Variants in COL5A2 observed in about 807,000 individuals in gnomAD.
COL5A2 encodes the protein collagen type V alpha 2 chain.
COL5A2 carries 23 observed loss-of-function variants against 208.2 expected under a neutral mutation model. That is an observed-to-expected ratio of 0.11 (90% CI 0.08 to 0.16). COL5A2 has a LOEUF of 0.16. COL5A2 is among the 10% of genes least tolerant of loss of function. The pLI is 1.00. For synonymous variants in COL5A2, 625 were observed against 628.5 expected, an observed-to-expected ratio of 0.99 and a Z score of 0.08; for missense variants, 1,590 against 1,956.4, an observed-to-expected ratio of 0.81 and a Z score of 3.53.
At chr2:189,059,036 A>G in intron 31 of COL5A2, 143 bp from the exon 32 acceptor site, 2 of 663,932 alleles carry the variant, frequency 3.0e-6, no homozygotes, top group Non-Finnish European at 2.7e-6. Flanking sequence ...AAAGAAAAGT[A>G]CGTATATTTT....
intron 1 of COL5A2, among the ~76,000 whole-genome samples, chr2:189,191,289 A>G (rs1291699445): frequency 1.3e-5 from 2 of 152,088 alleles, no homozygotes; most frequent in Non-Finnish European, 2.9e-5. Context: ...TCTAAGAGGA[A>G]AGCATGTTGA....
chr2:189,052,591 C>T (rs934168817), intron 40 of COL5A2, among the ~76,000 whole-genome samples, 158 bp downstream of exon 40: 2 of 152,176 alleles, frequency 1.3e-5, no homozygotes, highest in Non-Finnish European at 2.9e-5. Context: ...TAACCCAAAT[C>T]TCCATCTGAG....
In COL5A2 at chr2:189,191,660, A is replaced by G. The variant is rs192616357; in HGVS notation, c.-42+33488T>C. On this transcript the variant is annotated intron_variant, in intron 1 of 10. Transcript: ENST00000649966. ...TAAGACTCCATCTCAAAAAATAAATAAATAAATAAAGCTAACTGCAATGAA... is the reference window on the plus strand; with the variant it reads ...TAAGACTCCATCTCAAAAAATAAATGAATAAATAAAGCTAACTGCAATGAA... Among the ~76,000 whole-genome samples, 11 of 152,258 alleles carry G rather than the reference A, an allele frequency of 7.2e-5. No individual in the cohort carries two copies. The East Asian group carries it at 1.9e-3, about 27-fold the overall frequency.
At chr2:189,280,673 C>T in the COL5A2 span, among the ~76,000 whole-genome samples, 778 of 152,172 alleles carry the variant, frequency 5.1e-3, 8 homozygotes, top group African/African-American at 0.018. Flanking sequence ...AAGGTATATA[C>T]ATTTTACATT....
the COL5A2 span, among the ~76,000 whole-genome samples, chr2:189,297,234 G>A: frequency 6.6e-6 from 1 of 152,254 alleles, no homozygotes; most frequent in Non-Finnish European, 1.5e-5. Flanking sequence ...ACCACTACTG[G>A]AAACCAGACT....
chr2:189,077,714 A>G (rs948429400), intron 16 of COL5A2, among the ~76,000 whole-genome samples: 3 of 152,178 alleles, frequency 2.0e-5, no homozygotes, highest in Non-Finnish European at 1.5e-5. Flanking sequence ...ACACTTTCCA[A>G]ATCAGGGCCC....
chr2:189,376,429 C>T, the COL5A2 span, among the ~76,000 whole-genome samples: 3 of 152,044 alleles, frequency 2.0e-5, no homozygotes, highest in Non-Finnish European at 4.4e-5. Context: ...TAAAAATATA[C>T]TTGTAGGATA....
chr2:189,314,892 A>G, the COL5A2 span, among the ~76,000 whole-genome samples: 5 of 152,296 alleles, frequency 3.3e-5, no homozygotes, highest in South Asian at 1.0e-3. Flanking sequence ...AAGAAACTGA[A>G]TCCCTGAACA....
intron 1 of COL5A2, among the ~76,000 whole-genome samples, chr2:189,117,798 G>A (rs546103918): frequency 1.7e-4 from 26 of 151,088 alleles, no homozygotes; most frequent in African/African-American, 6.1e-4. Flanking sequence ...AATTTATTAT[G>A]TTTATTGTTT....
chr2:189,041,764 G>T (rs567552118), intron 49 of COL5A2, 71 bp from the exon 50 acceptor site: 3 of 977,946 alleles, frequency 3.1e-6, no homozygotes, highest in South Asian at 2.6e-5. Flanking sequence ...TCTAATCAAA[G>T]AACTATTTTA....
At chr2:189,246,250 T>C in the COL5A2 span, among the ~76,000 whole-genome samples, 1 of 152,152 alleles carries the variant, frequency 6.6e-6, no homozygotes, top group African/African-American at 2.4e-5. Context: ...ACTCATAAGT[T>C]CTAGTTGGAT....
At chr2:189,188,937 A>C (rs73034860) in intron 1 of COL5A2, among the ~76,000 whole-genome samples, 2 of 152,186 alleles carry the variant, frequency 1.3e-5, no homozygotes, top group African/African-American at 2.4e-5. Flanking sequence ...TACTTTAAAG[A>C]CTTCTGTGTA....
the COL5A2 span, among the ~76,000 whole-genome samples, chr2:189,301,496 GT>G: frequency 1.3e-5 from 2 of 152,186 alleles, no homozygotes; most frequent in Non-Finnish European, 2.9e-5. Context: ...CATTTTTGCT[GT>G]TTTTTCCTCA....
At chr2:189,145,236 T>C (rs942778539) in intron 1 of COL5A2, among the ~76,000 whole-genome samples, 1 of 152,150 alleles carries the variant, frequency 6.6e-6, no homozygotes, top group Non-Finnish European at 1.5e-5. Flanking sequence ...TATACTCCAA[T>C]AGAAATTTTA....
rs116685336 is a variant in COL5A2, at chr2:189,070,559, C to A, written c.1158+1481G>T. 7.2e-3 allele frequency among the ~76,000 whole-genome samples: 1,095 copies of A among 152,240 alleles called. 11 individuals are homozygous for A. Among genetic ancestry groups the A allele is most frequent in the African/African-American group, 0.025 (1,021 of 41,536 alleles). ...AGTTTTCAGTAGCCAACAACCAGTACCACAAACACCCAGGAGGAGAGAGAA... is the reference window on the plus strand; with the variant it reads ...AGTTTTCAGTAGCCAACAACCAGTAACACAAACACCCAGGAGGAGAGAGAA... On this transcript the variant is annotated intron_variant, in intron 18 of 53. Coordinates refer to ENST00000374866, the MANE Select transcript of COL5A2 (RefSeq NM_000393.5).
At chr2:189,321,337 G>A in the COL5A2 span, among the ~76,000 whole-genome samples, 1 of 152,282 alleles carries the variant, frequency 6.6e-6, no homozygotes, top group Non-Finnish European at 1.5e-5. Context: ...AAATGTAAAT[G>A]GGCTAAATGT....
chr2:189,340,139 C>A, the COL5A2 span, among the ~76,000 whole-genome samples: 3 of 152,138 alleles, frequency 2.0e-5, no homozygotes, highest in African/African-American at 7.2e-5. Flanking sequence ...GACCTTTTCC[C>A]AGGTAAGACT....
chr2:189,209,368 C>CG (rs965090088), intron 1 of COL5A2, among the ~76,000 whole-genome samples: 1 of 152,042 alleles, frequency 6.6e-6, no homozygotes, highest in African/African-American at 2.4e-5. Context: ...AGTGGCTATC[C>CG]GAGTGAAGAT....
chr2:189,140,080 T>TA (rs1438724802), intron 1 of COL5A2, among the ~76,000 whole-genome samples: 2 of 150,938 alleles, frequency 1.3e-5, no homozygotes, highest in Non-Finnish European at 3.0e-5. Context: ...CTCAAAAAAA[T>TA]AAAAAAATAA....
Sources: gnomAD v4.1 joint callset for allele counts (sites outside exome capture counted in the v4.1 genomes callset) on GRCh38, gnomAD v4.1.1 for gene constraint, MANE v1.5 for transcripts, NCBI Gene and HGNC (gene_info 2026-07-23, HGNC 2026-07-21) for gene names.